KCNIP4: variants seen among roughly 807,000 people sequenced by gnomAD.
The protein encoded by KCNIP4 is potassium voltage-gated channel interacting protein 4, also known as Kv channel-interacting protein 4.
Under a neutral mutation model 34.0 loss-of-function variants are expected in KCNIP4, and 12 were observed. That is an observed-to-expected ratio of 0.35 (90% CI 0.23 to 0.57). The LOEUF (loss-of-function observed/expected upper bound fraction) is 0.57. Ranked by LOEUF, KCNIP4 falls within the 20% of genes least tolerant of loss-of-function variation. KCNIP4 has a pLI of 0.83. For synonymous variants in KCNIP4, 124 were observed against 102.2 expected (o/e 1.21, Z -1.29); for missense variants, 238 against 311.7 (o/e 0.76, Z 1.78).
At chr4:21,457,052 A>C (rs1476294900) in intron 1 of KCNIP4, among the ~76,000 whole-genome samples, 1 of 151,792 alleles carries the variant, frequency 6.6e-6, no homozygotes, top group Admixed American at 6.6e-5. Context: ...TCAGTTGTGG[A>C]AAAAAAACAT....
chr4:21,118,430 A>T (rs1231219247), intron 1 of KCNIP4, among the ~76,000 whole-genome samples: 1 of 152,150 alleles, frequency 6.6e-6, no homozygotes, highest in Non-Finnish European at 1.5e-5. Flanking sequence ...ACTTCTAGGT[A>T]ACCTGCCCTC....
At chr4:21,606,572 TTTTG>T (rs764721854) in intron 1 of KCNIP4, among the ~76,000 whole-genome samples, 74 of 152,024 alleles carry the variant, frequency 4.9e-4, no homozygotes, top group Non-Finnish European at 7.9e-4. Context: ...TTCTGTGCTG[TTTTG>T]TTTGTTTGTT....
intron 1 of KCNIP4, among the ~76,000 whole-genome samples, chr4:21,066,518 C>T (rs148006356): frequency 1.1e-3 from 175 of 152,254 alleles, no homozygotes; most frequent in African/African-American, 4.1e-3. Context: ...CCCCCCATCC[C>T]CCGCATCCCC....
intron 1 of KCNIP4, among the ~76,000 whole-genome samples, chr4:21,260,958 A>G (rs931108710): frequency 6.6e-6 from 1 of 152,184 alleles, no homozygotes; most frequent in Non-Finnish European, 1.5e-5. Context: ...CATTTTAGGC[A>G]AGGAGACGTT....
At chr4:21,946,508 C>G (rs1339188167) in intron 1 of KCNIP4, among the ~76,000 whole-genome samples, 1 of 152,134 alleles carries the variant, frequency 6.6e-6, no homozygotes, top group Admixed American at 6.5e-5. Context: ...CCCTTCTCAT[C>G]CCAGGATTAG....
intron 1 of KCNIP4, among the ~76,000 whole-genome samples, chr4:20,889,075 T>G (rs1228037954): frequency 1.3e-5 from 2 of 152,148 alleles, no homozygotes; most frequent in African/African-American, 2.4e-5. Flanking sequence ...GCTGTGAATT[T>G]TTTTGTCATG....
At chr4:20,781,054 T>A (rs1491364) in intron 3 of KCNIP4, among the ~76,000 whole-genome samples, 73,097 of 151,978 alleles carry the variant, frequency 0.48, 17,903 homozygotes, top group East Asian at 0.7. Flanking sequence ...TATTTTTCTT[T>A]GTTATTGTTT....
intron 1 of KCNIP4, among the ~76,000 whole-genome samples, chr4:21,034,705 T>C (rs10034290): frequency 6.6e-6 from 1 of 152,114 alleles, no homozygotes; most frequent in African/African-American, 2.4e-5. Context: ...GTTATCCTAA[T>C]TGTTTGTGGA....
chr4:21,212,951 G>A (rs879262570), intron 1 of KCNIP4, among the ~76,000 whole-genome samples: 18 of 152,128 alleles, frequency 1.2e-4, no homozygotes, highest in African/African-American at 1.9e-4. Context: ...TATACATGGG[G>A]TATTAAAATT....
chr4:21,286,862 T>C (rs995481161), intron 1 of KCNIP4, among the ~76,000 whole-genome samples: 2 of 152,168 alleles, frequency 1.3e-5, no homozygotes, highest in Admixed American at 1.3e-4. Flanking sequence ...CTGATGTTCA[T>C]GTTCTTTCCA....
Position 21,142,076 on chromosome 4 carries a change from G to A in KCNIP4, c.62-259367C>T, listed in dbSNP as rs112964137. Among the ~76,000 whole-genome samples, 226 of 150,428 alleles carry A rather than the reference G, an allele frequency of 1.5e-3. 3 individuals are homozygous for A. The highest frequency in any genetic ancestry group is 2.3e-3 in the Non-Finnish European group (156 of 67,682). On this transcript the variant is annotated intron_variant, in intron 1 of 8. Transcript: ENST00000382152. ...TGAGGCAGGAGAATCGTGTGAACCCGGGAGGCTGAGGTTGCAGTGAGCTGA... is the reference window on the plus strand; with the variant it reads ...TGAGGCAGGAGAATCGTGTGAACCCAGGAGGCTGAGGTTGCAGTGAGCTGA...
chr4:21,521,107 T>C (rs1735486686), intron 1 of KCNIP4, among the ~76,000 whole-genome samples: 1 of 152,170 alleles, frequency 6.6e-6, no homozygotes, highest in Admixed American at 6.6e-5. Flanking sequence ...CACCCAGCTT[T>C]GAAACACAGT....
chr4:21,273,834 T>C (rs1251480346), intron 1 of KCNIP4, among the ~76,000 whole-genome samples: 10 of 152,166 alleles, frequency 6.6e-5, no homozygotes, highest in African/African-American at 2.4e-4. Flanking sequence ...TTATTGCACT[T>C]TCCACACTTC....
chr4:21,101,150 T>C (rs1037015811), intron 1 of KCNIP4, among the ~76,000 whole-genome samples: 8 of 152,172 alleles, frequency 5.3e-5, no homozygotes, highest in Non-Finnish European at 1.0e-4. Context: ...GTGTGTATTA[T>C]TGCGCTGTAT....
chr4:20,931,683 G>A (rs564393532), intron 1 of KCNIP4, among the ~76,000 whole-genome samples: 2 of 152,172 alleles, frequency 1.3e-5, no homozygotes, highest in South Asian at 4.2e-4. Flanking sequence ...TCATTATGGG[G>A]CTCATGACTG....
chr4:21,303,697 C>T, intron 1 of KCNIP4: 1 of 794,562 alleles, frequency 1.3e-6, no homozygotes, highest in Non-Finnish European at 2.0e-6. Context: ...TCATGTCCAT[C>T]CCAGAGTAAC....
At chr4:21,557,438 A>T (rs555715323) in intron 1 of KCNIP4, among the ~76,000 whole-genome samples, 1 of 152,320 alleles carries the variant, frequency 6.6e-6, no homozygotes, top group Non-Finnish European at 1.5e-5. Context: ...TATGTAAAAA[A>T]CATTGGTCCT....
intron 1 of KCNIP4, among the ~76,000 whole-genome samples, chr4:21,377,534 G>T (rs1158060159): frequency 6.6e-6 from 1 of 152,170 alleles, no homozygotes; most frequent in Non-Finnish European, 1.5e-5. Flanking sequence ...AGGGAAATAC[G>T]TGTATCAATT....
chr4:21,501,630 A>T (rs573222207), intron 1 of KCNIP4, among the ~76,000 whole-genome samples: 131 of 148,480 alleles, frequency 8.8e-4, no homozygotes, highest in African/African-American at 3.2e-3. Context: ...ATGGTCTTCA[A>T]CTCTGCAGCA....
Sources: allele counts gnomAD v4.1 joint callset (sites outside exome capture counted in the v4.1 genomes callset), GRCh38; gene constraint gnomAD v4.1.1; transcripts MANE v1.5; gene names NCBI Gene and HGNC (gene_info 2026-07-23, HGNC 2026-07-21).